The following TGFA variants were observed in gnomAD, a reference collection of about 807,000 sequenced individuals.
TGFA encodes transforming growth factor alpha.
TGFA carries 12 observed loss-of-function variants against 21.7 expected under a neutral mutation model. That is an observed-to-expected ratio of 0.55 (90% CI 0.35 to 0.90). The LOEUF (loss-of-function observed/expected upper bound fraction) is 0.90, where lower values mean the gene tolerates loss of function less well. TGFA is among the 40% of genes least tolerant of loss of function. The pLI, the probability that TGFA is intolerant of heterozygous loss-of-function variation, is 0.01. For missense variants in TGFA, 178 were observed against 210.8 expected (o/e 0.84, Z 0.96); for synonymous variants, 79 against 88.1 (o/e 0.90, Z 0.58).
chr2:70,553,288 G>T, intron 1 of TGFA: 1 of 1,533,684 alleles, frequency 6.5e-7, no homozygotes, highest in South Asian at 1.2e-5. Context: ...GTGCCAAAGG[G>T]GCGCAGGCAA....
chr2:70,456,599 G>A (rs1670237913), intron 3 of TGFA, 111 bp from the exon 4 acceptor site: 1 of 1,351,978 alleles, frequency 7.4e-7, no homozygotes, highest in East Asian at 2.5e-5. Flanking sequence ...AAAGCCCAAA[G>A]GGGCCCTGCC....
chr2:70,494,931 CAGG>C (rs1304089880), intron 2 of TGFA, among the ~76,000 whole-genome samples: 2 of 152,144 alleles, frequency 1.3e-5, no homozygotes, highest in African/African-American at 2.4e-5. Context: ...TAGTGGTTTT[CAGG>C]AGATGTTCAG....
At chr2:70,490,552 C>T (rs545931178) in intron 2 of TGFA, among the ~76,000 whole-genome samples, 89 of 152,330 alleles carry the variant, frequency 5.8e-4, no homozygotes, top group African/African-American at 1.9e-3. Flanking sequence ...TACTCACACA[C>T]TCCTTTAATG....
chr2:70,513,836 A>G (rs1250955023), intron 2 of TGFA, among the ~76,000 whole-genome samples: 3 of 152,184 alleles, frequency 2.0e-5, no homozygotes, highest in African/African-American at 7.2e-5. Flanking sequence ...GCAGTAACAG[A>G]TGGGAGCAGA....
chr2:70,480,508 T>C (rs1043501152), intron 2 of TGFA, among the ~76,000 whole-genome samples: 5 of 152,116 alleles, frequency 3.3e-5, no homozygotes, highest in Non-Finnish European at 5.9e-5. Context: ...CAAGGGTAGA[T>C]TGGACTAAGG....
chr2:70,518,653 T>A (rs376390631), intron 1 of TGFA, among the ~76,000 whole-genome samples: 2 of 152,304 alleles, frequency 1.3e-5, no homozygotes, highest in East Asian at 3.9e-4. Flanking sequence ...GGCATGGGAC[T>A]AGCAATTCTG....
intron 2 of TGFA, among the ~76,000 whole-genome samples, chr2:70,471,683 T>TTGAGTGC (rs148534429): frequency 0.012 from 1,832 of 152,276 alleles, 46 homozygotes; most frequent in African/African-American, 0.042. Context: ...ATGTCACTTA[T>TTGAGTGC]TGAGTGCTTG....
intron 2 of TGFA, among the ~76,000 whole-genome samples, chr2:70,485,246 C>T (rs565428314): frequency 3.9e-5 from 6 of 152,126 alleles, no homozygotes; most frequent in Non-Finnish European, 5.9e-5. Flanking sequence ...TCATCCCCCC[C>T]CTTTCTTTTT....
chr2:70,477,377 C>T (rs1553494643), intron 2 of TGFA, among the ~76,000 whole-genome samples: 6 of 152,180 alleles, frequency 3.9e-5, no homozygotes. Flanking sequence ...AGAGTACAGC[C>T]TATTTGATCC....
rs556554903 is a variant in TGFA, at chr2:70,505,453, T to A, written c.94+9406A>T. On this transcript the variant is annotated intron_variant, in intron 2 of 5. Coordinates refer to ENST00000295400, the MANE Select transcript of TGFA (RefSeq NM_003236.4). Reference sequence around the variant, plus strand: ...AGGCTCCTGTGGACTGTTAGGTGATTAATCGTATTTCTATTTTTCATATCT... The same window carrying A: ...AGGCTCCTGTGGACTGTTAGGTGATAAATCGTATTTCTATTTTTCATATCT... Among the ~76,000 whole-genome samples the A allele has an allele frequency of 2.0e-5, 3 of 152,270 alleles. No individual in the cohort carries two copies. The South Asian group carries it at 6.2e-4, about 32-fold the overall frequency.
chr2:70,496,542 A>G (rs1270533560), intron 2 of TGFA, among the ~76,000 whole-genome samples: 5 of 152,246 alleles, frequency 3.3e-5, no homozygotes, highest in Non-Finnish European at 7.3e-5. Flanking sequence ...CTTTATAGGC[A>G]GACAAACCTG....
chr2:70,450,889 T>C, intron 5 of TGFA, 23 bp from the exon 6 acceptor site: 1 of 1,604,988 alleles, frequency 6.2e-7, no homozygotes, highest in Non-Finnish European at 8.5e-7. Context: ...AAAAACAGGT[T>C]AAGCACTGTG....
At chr2:70,552,407 G>A (rs1553506945) in intron 1 of TGFA, among the ~76,000 whole-genome samples, 1 of 152,182 alleles carries the variant, frequency 6.6e-6, no homozygotes, top group Non-Finnish European at 1.5e-5. Context: ...AGCTTCCCTT[G>A]TATTGGTAAT....
At chr2:70,498,855 G>T (rs1400045274) in intron 2 of TGFA, among the ~76,000 whole-genome samples, 1 of 152,122 alleles carries the variant, frequency 6.6e-6, no homozygotes, top group Non-Finnish European at 1.5e-5. Flanking sequence ...TTAGAGTCAG[G>T]ATTCAAGAGT....
chr2:70,468,508 AG>A (rs527732538), intron 2 of TGFA: 1 of 152,294 alleles, frequency 6.6e-6, no homozygotes, highest in Non-Finnish European at 1.5e-5. Flanking sequence ...GAACTTGTCA[AG>A]GAACAAACAC....
At chr2:70,509,817 G>A (rs1393129639) in intron 2 of TGFA, among the ~76,000 whole-genome samples, 1 of 152,198 alleles carries the variant, frequency 6.6e-6, no homozygotes, top group Non-Finnish European at 1.5e-5. Context: ...CCTGGGAACT[G>A]TGCAACATTT....
intron 2 of TGFA, among the ~76,000 whole-genome samples, chr2:70,483,564 G>C (rs57146014): frequency 0.062 from 9,381 of 152,058 alleles, 363 homozygotes; most frequent in Middle Eastern, 0.12. Flanking sequence ...TATTCTTTTT[G>C]ACAGAAAATA....
At chr2:70,459,312 ACTC>A (rs1348614039) in intron 3 of TGFA, among the ~76,000 whole-genome samples, 1 of 152,158 alleles carries the variant, frequency 6.6e-6, no homozygotes, top group African/African-American at 2.4e-5. Context: ...ATTAGGCTAA[ACTC>A]CTACATGAAT....
intron 4 of TGFA, among the ~76,000 whole-genome samples, chr2:70,454,205 A>G (rs1174454679): frequency 6.6e-6 from 1 of 152,112 alleles, no homozygotes; most frequent in African/African-American, 2.4e-5. Context: ...GCCAGGTGGC[A>G]GAGATGAAGA....
Sources: allele counts gnomAD v4.1 joint callset (sites outside exome capture counted in the v4.1 genomes callset), GRCh38; gene constraint gnomAD v4.1.1; transcripts MANE v1.5; gene names NCBI Gene and HGNC (gene_info 2026-07-23, HGNC 2026-07-21).